The following PRTG variants were observed in gnomAD, a reference collection of about 807,000 sequenced individuals.
PRTG encodes immunoglobulin superfamily, DCC subclass, member 5.
In PRTG, 67 loss-of-function variants were observed where a neutral mutation model predicts 122.5. That is an observed-to-expected ratio of 0.55 (90% CI 0.45 to 0.67). PRTG has a LOEUF of 0.67. Ranked by LOEUF, PRTG falls within the 30% of genes least tolerant of loss-of-function variation. The pLI is 0.00. For synonymous variants in PRTG, 554 were observed against 501.1 expected (o/e 1.11, Z -1.41); for missense variants, 1,435 against 1,415.4 (o/e 1.01, Z -0.22).
chr15:55,722,783 T>TG (rs1413347543), intron 2 of PRTG, among the ~76,000 whole-genome samples: 4 of 7,432 alleles, frequency 5.4e-4, no homozygotes, highest in African/African-American at 5.9e-4. Context: ...ACTAACAAAA[T>TG]TTGACAAGGT....
Position 55,618,519 on chromosome 15 carries a change from GA to G in PRTG, c.*1492del, listed in dbSNP as rs1308148711. The stretch of plus-strand genomic sequence containing the variant: ...CTCGGCACCTAGGTAACTGTCTCAT[GA>G]CGGAGAAAAGGCCTATGTTATGTAG... On this transcript the variant is annotated 3_prime_UTR_variant, in exon 20 of 20. Transcript: ENST00000389286. The G allele has an allele frequency of 6.6e-6, 1 of 152,178 alleles. No individual in the cohort carries two copies. Among genetic ancestry groups the G allele is most frequent in the East Asian group, 1.9e-4 (1 of 5,192 alleles). 9.4% of individuals were successfully genotyped at this position (152,178 alleles called of 1,614,324 possible).
At chr15:55,708,797 T>C (rs2030253582) in intron 2 of PRTG, among the ~76,000 whole-genome samples, 1 of 152,030 alleles carries the variant, frequency 6.6e-6, no homozygotes, top group Non-Finnish European at 1.5e-5. Context: ...GGCTGTGATA[T>C]ACTTTTTTTT....
intron 11 of PRTG, chr15:55,656,492 TC>T (rs1034321179): frequency 2.7e-6 from 1 of 371,946 alleles, no homozygotes; most frequent in African/African-American, 2.1e-5. Context: ...TCGAAAGCTT[TC>T]CTAACCCAGA....
chr15:55,742,734 C>T, intron 1 of PRTG, 104 bp downstream of exon 1: 1 of 1,412,862 alleles, frequency 7.1e-7, no homozygotes, highest in South Asian at 1.3e-5. Flanking sequence ...CACGGAGGAC[C>T]CCGCCGCGCG....
chr15:55,714,205 G>GTC (rs3049129), intron 2 of PRTG, among the ~76,000 whole-genome samples: 5,970 of 142,722 alleles, frequency 0.042, 144 homozygotes, highest in African/African-American at 0.058. Flanking sequence ...CTATTTATCT[G>GTC]TCTCTCTCTC....
chr15:55,739,377 G>A (rs1371135403), intron 2 of PRTG, among the ~76,000 whole-genome samples: 1 of 151,734 alleles, frequency 6.6e-6, no homozygotes, highest in Non-Finnish European at 1.5e-5. Flanking sequence ...TGGGATTACA[G>A]GCTAGCCACC....
intron 11 of PRTG, among the ~76,000 whole-genome samples, chr15:55,667,915 G>A (rs1029883346): frequency 9.9e-5 from 15 of 151,958 alleles, no homozygotes; most frequent in African/African-American, 3.4e-4. Context: ...ATGAAACCCC[G>A]TCTCTACCAA....
intron 2 of PRTG, among the ~76,000 whole-genome samples, chr15:55,737,735 A>G (rs1313429745): frequency 6.6e-6 from 1 of 152,050 alleles, no homozygotes; most frequent in Non-Finnish European, 1.5e-5. Context: ...CTAGTTCCTA[A>G]GTTTAGAGAC....
chr15:55,649,921 C>A (rs2059344693), intron 11 of PRTG, among the ~76,000 whole-genome samples: 1 of 152,182 alleles, frequency 6.6e-6, no homozygotes, highest in Non-Finnish European at 1.5e-5. Flanking sequence ...AATTGAACAA[C>A]AGACTCCATA....
At chr15:55,729,884 G>C (rs575256658) in intron 2 of PRTG, among the ~76,000 whole-genome samples, 124 of 152,192 alleles carry the variant, frequency 8.1e-4, no homozygotes, top group African/African-American at 2.9e-3. Context: ...CCCCTAAAAG[G>C]ACTGGAGCTC....
chr15:55,742,858 A>G lies in PRTG; in HGVS notation c.74T>C (p.Leu25Pro). The change falls in exon 1 of 20, where the codon CTG becomes CCG. Residue 25 changes from leucine (L) to proline (P), a missense_variant. Coordinates refer to ENST00000389286, the MANE Select transcript of PRTG (RefSeq NM_173814.6). ...CCCACCTGGCAAAGGACTGAGCAGC[A>G]GCAGGAGCAGGAGCGCGCGGAGCAG... ...GMLLRALLLL[L>P]LLSPLPGVWC... 1 of 1,537,636 alleles carries G rather than the reference A, an allele frequency of 6.5e-7. No homozygotes were observed. Among genetic ancestry groups the G allele is most frequent in the Non-Finnish European group, 8.8e-7 (1 of 1,140,918 alleles).
intron 2 of PRTG, among the ~76,000 whole-genome samples, chr15:55,729,395 T>C (rs2031152004): frequency 6.6e-6 from 1 of 152,036 alleles, no homozygotes; most frequent in South Asian, 2.1e-4. Flanking sequence ...CGAACACAGC[T>C]TTCTTTTTGG....
chr15:55,721,756 G>C (rs148741486), intron 2 of PRTG, among the ~76,000 whole-genome samples: 4 of 152,074 alleles, frequency 2.6e-5, no homozygotes, highest in African/African-American at 4.8e-5. Context: ...TTACAATCAC[G>C]GGAGAGGGAG....
chr15:55,680,436 A>G (rs2059531176), intron 5 of PRTG, 55 bp downstream of exon 5: 4 of 1,499,154 alleles, frequency 2.7e-6, no homozygotes, highest in Non-Finnish European at 3.6e-6. Context: ...AAATTTCATT[A>G]GAATGAACAA....
chr15:55,637,926 T>C (rs776092747), intron 14 of PRTG, among the ~76,000 whole-genome samples: 3 of 152,226 alleles, frequency 2.0e-5, no homozygotes, highest in Non-Finnish European at 4.4e-5. Flanking sequence ...ACATCTTATA[T>C]GGAATATTGC....
intron 11 of PRTG, among the ~76,000 whole-genome samples, chr15:55,665,498 G>GTT (rs1555431925): frequency 1.7e-5 from 2 of 118,082 alleles, no homozygotes; most frequent in African/African-American, 5.5e-5. Flanking sequence ...AGCTAAAAAG[G>GTT]TTTTTTTTGT....
At chr15:55,737,791 T>C (rs1595688228) in intron 2 of PRTG, among the ~76,000 whole-genome samples, 1 of 151,910 alleles carries the variant, frequency 6.6e-6, no homozygotes, top group African/African-American at 2.4e-5. Context: ...CTTGCACAGA[T>C]TGAAGTTTTA....
At position 55,672,499 on chromosome 15, in the gene PRTG, TCTC is replaced by T; in HGVS notation, c.1984_1986del (p.Glu662del). The T allele has an allele frequency of 6.2e-7, 1 of 1,613,992 alleles. No individual in the cohort carries two copies. Among genetic ancestry groups the T allele is most frequent in the Non-Finnish European group, 8.5e-7 (1 of 1,179,968 alleles). ...TTGGTATCCAAGAAAATGGGCCCAT[TCTC>T]CTGCTGCCCTTCTTCCTTGTAGTAC... On this transcript the variant is annotated inframe_deletion, in exon 11 of 20. Transcript: ENST00000389286.
intron 17 of PRTG, among the ~76,000 whole-genome samples, chr15:55,625,712 C>CG (rs909848719): frequency 2.0e-5 from 3 of 151,786 alleles, no homozygotes; most frequent in Non-Finnish European, 2.9e-5. Flanking sequence ...CAAGCTCCCC[C>CG]TCCCGGGTTC....
Sources: gnomAD v4.1 joint callset for allele counts (sites outside exome capture counted in the v4.1 genomes callset) on GRCh38, gnomAD v4.1.1 for gene constraint, MANE v1.5 for transcripts, NCBI Gene and HGNC (gene_info 2026-07-23, HGNC 2026-07-21) for gene names.